The following ARSD variants were observed in gnomAD, a reference collection of about 807,000 sequenced individuals.
ARSD encodes testis tissue sperm-binding protein Li 39a.
ARSD carries 21 observed loss-of-function variants against 32.6 expected under a neutral mutation model. The ratio of observed to expected loss-of-function variants is 0.64; its 90% CI spans 0.46 to 0.93. The LOEUF is 0.93. Ranked by LOEUF, ARSD falls within the 40% of genes least tolerant of loss-of-function variation. ARSD has a pLI of 0.00. For synonymous variants in ARSD, 224 were observed against 237.4 expected (o/e 0.94, Z 0.52); for missense variants, 454 against 520.9 (o/e 0.87, Z 1.25).
In ARSD at chrX:2,915,582, T is replaced by C. The variant is rs764635231; in HGVS notation, c.974A>G (p.Asn325Ser). 12 of 1,211,470 alleles carry C rather than the reference T, an allele frequency of 9.9e-6. No homozygotes were observed. Among genetic ancestry groups the C allele is most frequent in the Non-Finnish European group, 1.3e-5 (12 of 895,179 alleles). Residue 325 changes from asparagine to serine, a missense_variant, in exon 6 of 10, where the codon AAT becomes AGT. By Grantham distance (46) the Asn-to-Ser change is conservative. Transcript: ENST00000381154. ...TATGAGCCAGTCCATCTCCTCCACATTATCACCATATAAGCCATGCTGACT... is the reference window on the plus strand; with the variant it reads ...TATGAGCCAGTCCATCTCCTCCACACTATCACCATATAAGCCATGCTGACT... ...GKSQHGLYGD[N>S]VEEMDWLIGK...
At chrX:2,917,362 G>A (rs1388590508) in intron 5 of ARSD, among the ~76,000 whole-genome samples, 13 of 111,824 alleles carry the variant, frequency 1.2e-4, no homozygotes, top group Non-Finnish European at 2.3e-4. Flanking sequence ...ACATGAAAAG[G>A]TTGGCTTCTG....
rs201593854 is a variant in ARSD at position 2,926,673 on chromosome X, C to T, written c.45-908G>A. On this transcript the variant is annotated intron_variant, in intron 1 of 9. Coordinates refer to ENST00000381154, the MANE Select transcript of ARSD (RefSeq NM_001669.4). ...TGAACAGGGAAACAGGTCAGTTTTCCAAAAAACAGAAGATTTGAGTAAGCA... is the reference window on the plus strand; with the variant it reads ...TGAACAGGGAAACAGGTCAGTTTTCTAAAAAACAGAAGATTTGAGTAAGCA... 8.0e-5 allele frequency among the ~76,000 whole-genome samples: 9 copies of T among 112,185 alleles called. No homozygotes were observed. In the East Asian group the frequency reaches 2.5e-3, roughly 31 times the overall value.
chrX:2,927,317 T>C (rs2089093348), intron 1 of ARSD, among the ~76,000 whole-genome samples: 1 of 109,803 alleles, frequency 9.1e-6, no homozygotes, highest in African/African-American at 3.3e-5. Flanking sequence ...TGCAGTTCAA[T>C]GGCATGATCC....
intron 1 of ARSD, 90 bp downstream of exon 1, chrX:2,929,142 G>T: frequency 2.3e-6 from 2 of 880,860 alleles, no homozygotes; most frequent in Non-Finnish European, 2.9e-6. Context: ...GCCCAGGCTC[G>T]CCCGGGGCGC....
chrX:2,928,117 T>G (rs1379963866), intron 1 of ARSD, among the ~76,000 whole-genome samples: 2 of 110,704 alleles, frequency 1.8e-5, no homozygotes, highest in Non-Finnish European at 3.8e-5. Flanking sequence ...CCTCTACCGG[T>G]GGCACTGGGG....
chrX:2,904,864 C>A lies in ARSD; in HGVS notation c.*2407G>T. 4.6e-6 allele frequency: 1 copy of A among 218,863 alleles called. No individual in the cohort carries two copies. The highest frequency in any genetic ancestry group is 8.5e-6 in the Non-Finnish European group (1 of 117,605). 18.0% of individuals were successfully genotyped at this position (218,863 alleles called of 1,213,427 possible). A position where few individuals can be genotyped will look rare whatever the true frequency, so the allele number is the denominator to read the frequency against. ...CGGTGAAAGATGAGATGGCTTTTAG[C>A]TGCCTCCACTCCCCGTGTCCCATGC... On this transcript the variant is annotated 3_prime_UTR_variant, in exon 10 of 10. Transcript: ENST00000381154.
At chrX:2,928,707 A>T (rs1163338432) in intron 1 of ARSD, among the ~76,000 whole-genome samples, 1 of 60,130 alleles carries the variant, frequency 1.7e-5, no homozygotes, top group African/African-American at 7.0e-5. Flanking sequence ...GCCTCTTAGG[A>T]AGTGGGGCGG....
At chrX:2,919,716 G>A (rs2089011023) in intron 4 of ARSD, among the ~76,000 whole-genome samples, 1 of 111,614 alleles carries the variant, frequency 9.0e-6, no homozygotes, top group African/African-American at 3.3e-5. Flanking sequence ...ATTCGGGTGG[G>A]TGCCAGGCAG....
intron 6 of ARSD, among the ~76,000 whole-genome samples, chrX:2,915,178 G>C (rs1482984101): frequency 9.2e-6 from 1 of 109,175 alleles, no homozygotes; most frequent in Non-Finnish European, 1.9e-5. Context: ...TTTTTGAGAC[G>C]GAGTCTTGAT....
chrX:2,907,119 A>AAAAGAAAGAAAG lies in ARSD; in HGVS notation c.*140_*151dup, dbSNP rs752079571. On this transcript the variant is annotated 3_prime_UTR_variant, in exon 10 of 10. Coordinates refer to ENST00000381154, the MANE Select transcript of ARSD (RefSeq NM_001669.4). ...GGGACAGAGCGACACTCTGTCTCAA[A>AAAAGAAAGAAAG]AAAGAAAGAAAGAAAGAAAGAAAGT... 1.5e-5 allele frequency: 8 copies of AAAAGAAAGAAAG among 523,154 alleles called. No homozygotes were observed. The highest frequency in any genetic ancestry group is 3.5e-5 in the South Asian group (1 of 28,865). 43.1% of individuals were successfully genotyped at this position (523,154 alleles called of 1,213,427 possible).
intron 6 of ARSD, 103 bp from the exon 7 acceptor site, chrX:2,910,896 C>A: frequency 1.0e-6 from 1 of 985,715 alleles, no homozygotes; most frequent in South Asian, 2.3e-5. Context: ...GCCAGGAAGT[C>A]ATAAGAAGAG....
At chrX:2,920,520 G>T in intron 4 of ARSD, 81 bp downstream of exon 4, 1 of 1,172,817 alleles carries the variant, frequency 8.5e-7, no homozygotes, top group African/African-American at 1.8e-5. Context: ...ACAGGCGTGC[G>T]CCACCACGCC....
Position 2,907,510 on chromosome X carries a change from A to G in ARSD, c.1543T>C (p.Leu515=), listed in dbSNP as rs1396643744. Reference sequence around the variant, plus strand: ...GGGTCCCTGGAGAGGTCAAAGAGCAAAGGGGGTCTGTGATGGGTCACGCCC... The same window carrying G: ...GGGTCCCTGGAGAGGTCAAAGAGCAGAGGGGGTCTGTGATGGGTCACGCCC... The part of the protein sequence containing the change: ...GEGVTHHRPP[L]LFDLSRDPSE... The change falls in exon 10 of 10, where the codon TTG becomes CTG. Residue 515 remains leucine (L), a synonymous_variant. Coordinates refer to ENST00000381154, the MANE Select transcript of ARSD (RefSeq NM_001669.4). 5.0e-6 allele frequency: 6 copies of G among 1,200,565 alleles called. No homozygotes were observed. In the African/African-American group the frequency reaches 8.7e-5, roughly 17 times the overall value.
At position 2,918,056 on chromosome X, in the gene ARSD, G is replaced by C. The variant is rs747015336; in HGVS notation, c.611C>G (p.Thr204Ser). 1.7e-6 allele frequency: 2 copies of C among 1,202,383 alleles called. No homozygotes were observed. Among genetic ancestry groups the C allele is most frequent in the Non-Finnish European group, 2.2e-6 (2 of 890,571 alleles). Reference sequence around the variant, plus strand: ...GAGAATCCCCAGCGCCAGGAACTGGGTGTAACCCCAGAGCTGCGCCCTCAG... The same window carrying C: ...GAGAATCCCCAGCGCCAGGAACTGGCTGTAACCCCAGAGCTGCGCCCTCAG... ...AALRAQLWGY[T>S]QFLALGILTL... The change falls in exon 5 of 10, where the codon ACC (threonine) becomes AGC (serine). Residue 204 changes from threonine (T) to serine (S), a missense_variant. This residue lies in a region of ARSD where 271 missense variants were observed against 301.0 expected (regional missense o/e 0.90). Coordinates refer to ENST00000381154, the MANE Select transcript of ARSD (RefSeq NM_001669.4).
chrX:2,925,820 A>G, intron 1 of ARSD, 55 bp from the exon 2 acceptor site: 1 of 1,114,373 alleles, frequency 9.0e-7, no homozygotes, highest in Non-Finnish European at 1.2e-6. Flanking sequence ...CAAGGGAAGT[A>G]GGCATTTCAA....
chrX:2,920,785 CA>C (rs1336987993), intron 3 of ARSD, 62 bp from the exon 4 acceptor site: 10 of 1,169,146 alleles, frequency 8.6e-6, no homozygotes, highest in African/African-American at 3.6e-5. Context: ...ACTTCTCAAC[CA>C]GAGGGATTTG....
chrX:2,910,649 C>T lies in ARSD; in HGVS notation c.1135+10G>A. On this transcript the variant is annotated intron_variant, in intron 7 of 9. Coordinates refer to ENST00000381154, the MANE Select transcript of ARSD (RefSeq NM_001669.4). The stretch of plus-strand genomic sequence containing the variant: ...CGAATGCATATGTGTCCCCGATGTC[C>T]ACAACTCACCTTTGTAAATTCCGTT... 8.3e-7 allele frequency: 1 copy of T among 1,211,635 alleles called. No homozygotes were observed. The highest frequency in any genetic ancestry group is 1.1e-6 in the Non-Finnish European group (1 of 895,399).
intron 7 of ARSD, 73 bp downstream of exon 7, chrX:2,910,586 A>G (rs1157614614): frequency 4.2e-6 from 5 of 1,190,050 alleles, no homozygotes; most frequent in Non-Finnish European, 4.6e-6. Context: ...TTTCAGTTCA[A>G]CTTGTTCTGG....
chrX:2,926,265 C>T (rs1399865790), intron 1 of ARSD, among the ~76,000 whole-genome samples: 1 of 111,861 alleles, frequency 8.9e-6, no homozygotes, highest in Non-Finnish European at 1.9e-5. Flanking sequence ...CTTATCTTGT[C>T]TCCTGCTAAA....
Sources: gnomAD v4.1 joint callset for allele counts (sites outside exome capture counted in the v4.1 genomes callset) on GRCh38, gnomAD v4.1.1 for gene constraint, gnomAD v4.1.1 regional missense constraint, MANE v1.5 for transcripts, NCBI Gene and HGNC (gene_info 2026-07-23, HGNC 2026-07-21) for gene names.